The following MILR1 variants were observed in gnomAD, a reference collection of about 807,000 sequenced individuals.
MILR1 encodes the protein mast cell immunoglobulin like receptor 1.
MILR1 carries 31 observed loss-of-function variants against 18.5 expected under a neutral mutation model. The ratio of observed to expected loss-of-function variants is 1.68; its 90% CI spans 1.26 to 2.26. MILR1 has a LOEUF of 2.26. MILR1 is among the 30% of genes most tolerant of loss of function. MILR1 has a pLI of 0.00. For synonymous variants in MILR1, 85 were observed against 56.2 expected, an observed-to-expected ratio of 1.51 and a Z score of -2.30; for missense variants, 257 against 157.4, an observed-to-expected ratio of 1.63 and a Z score of -3.38.
chr17:64,483,625 C>T, the MILR1 span, among the ~76,000 whole-genome samples: 1 of 151,898 alleles, frequency 6.6e-6, no homozygotes, highest in Admixed American at 6.6e-5. Context: ...GGCCACGTGG[C>T]TTACCATTTC....
Position 64,468,580 on chromosome 17 carries a change from T to A in MILR1, c.*299T>A. On this transcript the variant is annotated 3_prime_UTR_variant, in exon 10 of 10. Transcript: ENST00000619286. ...CTGGAACTACAAGCCTGAGCCACCG[T>A]GCCCGGCCCTGAATCGCTTTAGTAA... 1 of 1,152,294 alleles carries A rather than the reference T, an allele frequency of 8.7e-7. No individual in the cohort carries two copies. The highest frequency in any genetic ancestry group is 1.1e-6 in the Non-Finnish European group (1 of 925,402). The allele number at this position is 1,152,294 out of a possible 1,614,324, so 71.4% of individuals were successfully genotyped here.
the MILR1 span, among the ~76,000 whole-genome samples, chr17:64,489,641 T>A: frequency 6.6e-6 from 1 of 152,092 alleles, no homozygotes; most frequent in Non-Finnish European, 1.5e-5. Context: ...ATGCTTGTAG[T>A]CCTAGCTACT....
At chr17:64,497,084 G>T in the MILR1 span, 5 of 1,104,892 alleles carry the variant, frequency 4.5e-6, no homozygotes, top group Admixed American at 1.9e-5. Context: ...AGGTGAGCGT[G>T]CTTGCGGGCG....
At chr17:64,459,696 A>G (rs2037380073) in intron 4 of MILR1, among the ~76,000 whole-genome samples, 1 of 152,154 alleles carries the variant, frequency 6.6e-6, no homozygotes, top group Admixed American at 6.6e-5. Context: ...TCATCTATAA[A>G]ATGGGAGTGA....
At chr17:64,491,039 G>C in the MILR1 span, 4 of 1,167,128 alleles carry the variant, frequency 3.4e-6, no homozygotes, top group East Asian at 2.4e-5. Context: ...ATAATTATCT[G>C]TAAGAATTTA....
chr17:64,455,003 G>GA (rs1185318137), intron 3 of MILR1, among the ~76,000 whole-genome samples: 15 of 148,174 alleles, frequency 1.0e-4, no homozygotes, highest in Non-Finnish European at 1.5e-4. Flanking sequence ...CCTGTCTCAA[G>GA]AAAAAAAAAA....
intron 6 of MILR1, 88 bp downstream of exon 6, chr17:64,465,629 G>A: frequency 7.1e-7 from 1 of 1,400,640 alleles, no homozygotes; most frequent in East Asian, 2.5e-5. Context: ...GGGAGTGGGG[G>A]GTGGAGCAAA....
At chr17:64,496,711 A>G in the MILR1 span, 5 of 1,613,896 alleles carry the variant, frequency 3.1e-6, no homozygotes, top group African/African-American at 6.7e-5. Flanking sequence ...AATCCCGGCT[A>G]AGCTGCTGCT....
the MILR1 span, among the ~76,000 whole-genome samples, chr17:64,479,006 C>T: frequency 6.6e-6 from 1 of 152,038 alleles, no homozygotes; most frequent in Non-Finnish European, 1.5e-5. Flanking sequence ...ACAATAAAAC[C>T]TTTACCATAT....
intron 5 of MILR1, among the ~76,000 whole-genome samples, chr17:64,462,643 C>CTT (rs1326810820): frequency 4.9e-5 from 7 of 142,452 alleles, no homozygotes; most frequent in African/African-American, 7.7e-5. Flanking sequence ...CCCACAATTA[C>CTT]TTTTTTTTTT....
chr17:64,450,231 A>G (rs2037138497), intron 2 of MILR1, among the ~76,000 whole-genome samples: 1 of 151,470 alleles, frequency 6.6e-6, no homozygotes, highest in Admixed American at 6.6e-5. Context: ...AGACACTGTA[A>G]TTTATTTCAT....
chr17:64,465,559 C>T lies in MILR1; in HGVS notation c.853+18C>T, dbSNP rs148097334. On this transcript the variant is annotated intron_variant, in intron 6 of 9. Transcript: ENST00000619286. Reference sequence around the variant, plus strand: ...ACAAGCAAGTAAGAGAACTTTGTTGCGTGTTTTGGGTGGTTTCAGGTTTTT... The same window carrying T: ...ACAAGCAAGTAAGAGAACTTTGTTGTGTGTTTTGGGTGGTTTCAGGTTTTT... 2.5e-4 allele frequency: 394 copies of T among 1,592,270 alleles called. No individual in the cohort carries two copies. The highest frequency in any genetic ancestry group is 3.2e-4 in the Non-Finnish European group (371 of 1,169,296).
the MILR1 span, chr17:64,496,997 C>A: frequency 6.3e-7 from 1 of 1,586,076 alleles, no homozygotes; most frequent in South Asian, 1.1e-5. Context: ...AGCACACTCT[C>A]CCATCACTCA....
At chr17:64,451,245 T>C (rs1199138796) in intron 2 of MILR1, among the ~76,000 whole-genome samples, 26 of 151,928 alleles carry the variant, frequency 1.7e-4, no homozygotes, top group Admixed American at 1.7e-3. Flanking sequence ...CCAAGCTCAA[T>C]TGATCCTCCC....
At chr17:64,471,714 G>T (rs2037689475), downstream of MILR1, among the ~76,000 whole-genome samples, 1 of 152,216 alleles carries the variant, frequency 6.6e-6, no homozygotes, top group Admixed American at 6.5e-5. Context: ...TACCCTGGGA[G>T]GCCAAGGCAG....
At chr17:64,474,220 G>A in the MILR1 span, among the ~76,000 whole-genome samples, 10 of 151,686 alleles carry the variant, frequency 6.6e-5, no homozygotes, top group East Asian at 1.9e-4. Flanking sequence ...GATTACAGGC[G>A]CCTGCCACCA....
the MILR1 span, chr17:64,484,289 G>A: frequency 2.0e-5 from 3 of 152,274 alleles, no homozygotes; most frequent in Non-Finnish European, 4.4e-5. Context: ...ACACTCGAAA[G>A]AAGGTGGGGG....
the MILR1 span, chr17:64,491,482 C>G: frequency 7.7e-7 from 1 of 1,291,450 alleles, no homozygotes; most frequent in Non-Finnish European, 1.1e-6. Flanking sequence ...GGCAGTCCAG[C>G]CCGGGCAAAA....
At chr17:64,466,390 T>C (rs1022456743) in intron 6 of MILR1, 52 bp from the exon 7 acceptor site, 6 of 1,540,414 alleles carry the variant, frequency 3.9e-6, no homozygotes, top group Non-Finnish European at 5.3e-6. Context: ...TTACCGACCT[T>C]TTCTAACACA....
Sources: gnomAD v4.1 joint callset for allele counts (sites outside exome capture counted in the v4.1 genomes callset) on GRCh38, gnomAD v4.1.1 for gene constraint, MANE v1.5 for transcripts, NCBI Gene and HGNC (gene_info 2026-07-23, HGNC 2026-07-21) for gene names.